GML: variants seen among roughly 807,000 people sequenced by gnomAD.
GML encodes glycosyl-phosphatidylinositol-anchored molecule-like protein.
Under a neutral mutation model 8.2 loss-of-function variants are expected in GML, and 5 were observed. That is an observed-to-expected ratio of 0.61 (90% CI 0.32 to 1.28). GML has a LOEUF of 1.28. GML is among the 50% of genes most tolerant of loss of function. GML has a pLI of 0.06. For synonymous variants in GML, 72 were observed against 69.0 expected (o/e 1.04, Z -0.22); for missense variants, 191 against 198.3 (o/e 0.96, Z 0.22).
chr8:142,836,826 A>G lies in GML; in HGVS notation c.-23+1958A>G, dbSNP rs189662751. Among the ~76,000 whole-genome samples the G allele has an allele frequency of 4.6e-5, 7 of 151,444 alleles. No individual in the cohort carries two copies. The South Asian group carries it at 1.5e-3, about 32-fold the overall frequency. On this transcript the variant is annotated intron_variant, in intron 1 of 3. Transcript: ENST00000220940. ...CCGGCCCTGTCTCTAACCCTAACTG[A>G]AGCCATCTTGAGCGGTGCCCTTCCC...
chr8:142,838,100 C>A lies in GML; in HGVS notation c.-22-2316C>A, dbSNP rs1816368702. On this transcript the variant is annotated intron_variant, in intron 1 of 3. Coordinates refer to ENST00000220940, the MANE Select transcript of GML (RefSeq NM_002066.3). ...TCTTCGGAATTTCAGTTTACGTGGGCCTTGGTGCTTCCACATCTGTCCAAG... is the reference window on the plus strand; with the variant it reads ...TCTTCGGAATTTCAGTTTACGTGGGACTTGGTGCTTCCACATCTGTCCAAG... Among the ~76,000 whole-genome samples the A allele has an allele frequency of 1.4e-5, 2 of 145,680 alleles. 1 individual carries two copies. Among genetic ancestry groups the A allele is most frequent in the Admixed American group, 1.4e-4 (2 of 14,500 alleles).
At chr8:142,839,356 A>C (rs76003351) in intron 1 of GML, among the ~76,000 whole-genome samples, 22,746 of 152,136 alleles carry the variant, frequency 0.15, 2,083 homozygotes, top group East Asian at 0.48. Context: ...TTTGAATCTC[A>C]GCCTCGCCCA....
chr8:142,841,210 A>G lies in GML; in HGVS notation c.166A>G (p.Met56Val), dbSNP rs1320421811. The change falls in exon 3 of 4, where the codon ATG (methionine) becomes GTG (valine). Residue 56 changes from methionine to valine, a missense_variant. Physicochemically the swap from Met to Val is conservative, Grantham distance 21. Coordinates refer to ENST00000220940, the MANE Select transcript of GML (RefSeq NM_002066.3). The stretch of plus-strand genomic sequence containing the variant: ...ATGTCCGTATCATATTAGGCGCTGT[A>G]TGACAATCTCCATTCGTAAGTACCT... ...RVCPYHIRRCMTISIRINSRE... is the reference protein window; with the variant it reads ...RVCPYHIRRCVTISIRINSRE... 6.7e-7 allele frequency: 1 copy of G among 1,485,314 alleles called. No homozygotes were observed. The highest frequency in any genetic ancestry group is 1.1e-5 in the South Asian group (1 of 88,172). 92.0% of individuals were successfully genotyped at this position (1,485,314 alleles called of 1,614,324 possible). A position where few individuals can be genotyped will look rare whatever the true frequency, so the allele number is the denominator to read the frequency against.
chr8:142,846,058 G>C lies in GML; in HGVS notation c.182-337G>C, dbSNP rs139485700. 3.5e-4 allele frequency among the ~76,000 whole-genome samples: 53 copies of C among 152,224 alleles called. 1 individual carries two copies. The highest frequency in any genetic ancestry group is 1.3e-3 in the African/African-American group (52 of 41,524). On this transcript the variant is annotated intron_variant, in intron 3 of 3. Transcript: ENST00000220940. The stretch of plus-strand genomic sequence containing the variant: ...TTTCTGGTCTGCATTTAATTTCTCG[G>C]GCTCTAGAATTCTTACCATAAGAAA...
In GML at chr8:142,846,729, C is replaced by G. The variant is rs768006984; in HGVS notation, c.*39C>G. On this transcript the variant is annotated 3_prime_UTR_variant, in exon 4 of 4. Transcript: ENST00000220940. ...GAGGGTCTGACCATCTTCACCTGTT[C>G]CGCAGAGAAATGTTGCTCTCCATTA... The G allele has an allele frequency of 6.0e-5, 88 of 1,459,814 alleles. No homozygotes were observed. Among genetic ancestry groups the G allele is most frequent in the Non-Finnish European group, 8.1e-5 (85 of 1,050,320 alleles). The allele number at this position is 1,459,814 out of a possible 1,614,324, so 90.4% of individuals were successfully genotyped here. A position where few individuals can be genotyped will look rare whatever the true frequency, so the allele number is the denominator to read the frequency against.
At chr8:142,839,321 C>G (rs2130216675) in intron 1 of GML, among the ~76,000 whole-genome samples, 1 of 152,276 alleles carries the variant, frequency 6.6e-6, no homozygotes, top group Admixed American at 6.5e-5. Flanking sequence ...TTTTCCTAAA[C>G]TTGATGACCT....
chr8:142,840,515 G>A lies in GML; in HGVS notation c.73+5G>A, dbSNP rs1250711506. 5 of 1,598,278 alleles carry A rather than the reference G, an allele frequency of 3.1e-6. No individual in the cohort carries two copies. The Admixed American group carries it at 5.0e-5, about 16-fold the overall frequency. ...GTGCCACCATGCGCGCTCAGTGTAAGTATCATTCCCTCTCACTGTCCTGGA... is the reference window on the plus strand; with the variant it reads ...GTGCCACCATGCGCGCTCAGTGTAAATATCATTCCCTCTCACTGTCCTGGA... On this transcript the variant is annotated splice_donor_5th_base_variant and intron_variant, in intron 2 of 3. Coordinates refer to ENST00000220940, the MANE Select transcript of GML (RefSeq NM_002066.3).
intron 1 of GML, among the ~76,000 whole-genome samples, chr8:142,837,597 C>T (rs2059932560): frequency 6.7e-6 from 1 of 150,252 alleles, no homozygotes; most frequent in African/African-American, 2.5e-5. Flanking sequence ...TGGCACTCTG[C>T]CTTAGTTGGG....
chr8:142,846,611 C>T lies in GML; in HGVS notation c.398C>T (p.Pro133Leu). ...GATGAAGTAACTGAGGAGGAGCTTCCAGAAGGAACTGTGAGGCTGGGGGTA... is the reference window on the plus strand; with the variant it reads ...GATGAAGTAACTGAGGAGGAGCTTCTAGAAGGAACTGTGAGGCTGGGGGTA... Reference protein sequence around the residue: ...LPDEVTEEELPEGTVRLGVSK... With the variant: ...LPDEVTEEELLEGTVRLGVSK... The change falls in exon 4 of 4, where the codon CCA becomes CTA. Residue 133 changes from proline (P) to leucine (L), a missense_variant. By Grantham distance (98) the Pro-to-Leu change is moderately conservative. Coordinates refer to ENST00000220940, the MANE Select transcript of GML (RefSeq NM_002066.3). The T allele has an allele frequency of 6.2e-7, 1 of 1,613,884 alleles. No individual in the cohort carries two copies.
intron 3 of GML, among the ~76,000 whole-genome samples, chr8:142,843,420 A>G (rs978031335): frequency 6.6e-6 from 1 of 152,134 alleles, no homozygotes; most frequent in South Asian, 2.1e-4. Flanking sequence ...TAGATGCTGA[A>G]ATGTTTTGAT....
Position 142,843,255 on chromosome 8 carries a change from T to C in GML, c.181+2030T>C, listed in dbSNP as rs376002527. Reference sequence around the variant, plus strand: ...AACTATTTTTAAAATAAAAGGTTCATACACACACACACACACACACACACA... The same window carrying C: ...AACTATTTTTAAAATAAAAGGTTCACACACACACACACACACACACACACA... On this transcript the variant is annotated intron_variant, in intron 3 of 3. Coordinates refer to ENST00000220940, the MANE Select transcript of GML (RefSeq NM_002066.3). 9.2e-4 allele frequency among the ~76,000 whole-genome samples: 129 copies of C among 140,100 alleles called. 1 individual carries two copies. The East Asian group carries it at 0.025, about 27-fold the overall frequency. 91.9% of individuals were successfully genotyped at this position (140,100 alleles called of 152,430 possible).
At chr8:142,842,345 C>T (rs558703138) in intron 3 of GML, among the ~76,000 whole-genome samples, 13 of 152,312 alleles carry the variant, frequency 8.5e-5, no homozygotes, top group Admixed American at 7.2e-4. Flanking sequence ...CTCATACACA[C>T]CTCTTCTTCA....
At chr8:142,840,296 G>C in intron 1 of GML, 120 bp from the exon 2 acceptor site, 2 of 653,326 alleles carry the variant, frequency 3.1e-6, no homozygotes, top group East Asian at 2.7e-5. Context: ...CTGGCCCAGT[G>C]GGGGAGGCAT....
intron 3 of GML, among the ~76,000 whole-genome samples, chr8:142,842,514 G>A (rs768010575): frequency 2.0e-5 from 3 of 152,158 alleles, no homozygotes; most frequent in African/African-American, 7.2e-5. Context: ...TCCCTCGTGG[G>A]GTAATAGTTG....
At chr8:142,839,631 T>C (rs1271794465) in intron 1 of GML, among the ~76,000 whole-genome samples, 1 of 152,074 alleles carries the variant, frequency 6.6e-6, no homozygotes, top group Non-Finnish European at 1.5e-5. Flanking sequence ...ACCAGGGAGA[T>C]GGAGCTTCCC....
chr8:142,842,302 TCGGGCAGTTCTTTATAGCAG>T (rs1816444793), intron 3 of GML, among the ~76,000 whole-genome samples: 1 of 152,200 alleles, frequency 6.6e-6, no homozygotes, highest in Non-Finnish European at 1.5e-5. Flanking sequence ...TTGCCCAGTC[TCGGGCAGTTCTTTATAGCAG>T]CGTGAGAAGA....
At position 142,841,125 on chromosome 8, in the gene GML, C is replaced by G; in HGVS notation, c.81C>G (p.Tyr27Ter). ...TGCTTTCTCCCCTCTCAGGGACTTA[C>G]AGTTTGAGATGCCATGACTGTGCGG... ...ASATMRAQWT[Y>*]SLRCHDCAVI... is the part of the protein sequence containing the mutation. The change falls in exon 3 of 4, where the codon TAC becomes TAG. Residue 27 changes from tyrosine (Y) to a stop codon, truncating the protein, a stop_gained. Coordinates refer to ENST00000220940, the MANE Select transcript of GML (RefSeq NM_002066.3). LOFTEE classifies it high-confidence loss of function. 6.6e-7 allele frequency: 1 copy of G among 1,513,894 alleles called. No individual in the cohort carries two copies. The highest frequency in any genetic ancestry group is 9.2e-7 in the Non-Finnish European group (1 of 1,088,600). 93.8% of individuals were successfully genotyped at this position (1,513,894 alleles called of 1,614,324 possible).
At chr8:142,838,107 G>T (rs1816368796) in intron 1 of GML, among the ~76,000 whole-genome samples, 1 of 146,202 alleles carries the variant, frequency 6.8e-6, no homozygotes, top group Admixed American at 6.9e-5. Context: ...GGGCCTTGGT[G>T]CTTCCACATC....
chr8:142,843,588 T>C (rs986756748), intron 3 of GML, among the ~76,000 whole-genome samples: 2 of 152,172 alleles, frequency 1.3e-5, no homozygotes, highest in African/African-American at 4.8e-5. Flanking sequence ...TTACTATTCA[T>C]CAGAGACAAC....
Sources: allele counts gnomAD v4.1 joint callset (sites outside exome capture counted in the v4.1 genomes callset), GRCh38; gene constraint gnomAD v4.1.1; transcripts MANE v1.5; gene names NCBI Gene and HGNC (gene_info 2026-07-23, HGNC 2026-07-21).